Variants in NOMO2 observed in about 807,000 individuals in gnomAD.
The protein encoded by NOMO2 is BOS complex subunit NOMO2.
Under a neutral mutation model 67.1 loss-of-function variants are expected in NOMO2, and 14 were observed. The ratio of observed to expected loss-of-function variants is 0.21; its 90% CI spans 0.14 to 0.33. The LOEUF is 0.33. Among genes scored for constraint, NOMO2 ranks in the 10% least tolerant of loss-of-function variants. The pLI is 1.00. For synonymous variants in NOMO2, 80 were observed against 305.9 expected, an observed-to-expected ratio of 0.26 and a Z score of 7.71; for missense variants, 178 against 761.0, an observed-to-expected ratio of 0.23 and a Z score of 9.01.
intron 9 of NOMO2, 40 bp from the exon 10 acceptor site, chr16:18,539,004 T>C: frequency 6.3e-7 from 1 of 1,598,274 alleles, no homozygotes; most frequent in Non-Finnish European, 8.6e-7. Context: ...TCGAAGGTGC[T>C]CCTGTGCCAG....
intron 1 of NOMO2, 30 bp from the exon 2 acceptor site, chr16:18,557,821 A>C: frequency 6.4e-7 from 1 of 1,551,874 alleles, no homozygotes; most frequent in South Asian, 1.2e-5. Flanking sequence ...AACAGAAATC[A>C]TAACATTGCC....
chr16:18,529,342 T>C, intron 15 of NOMO2, 159 bp downstream of exon 15: 1 of 1,402,120 alleles, frequency 7.1e-7, no homozygotes, highest in Non-Finnish European at 9.9e-7. Context: ...AGAGTATAAA[T>C]GCTTCCTGAT....
intron 6 of NOMO2, among the ~76,000 whole-genome samples, chr16:18,545,555 G>A (rs981573989): frequency 5.6e-5 from 8 of 143,412 alleles, no homozygotes; most frequent in Non-Finnish European, 9.2e-5. Context: ...TAGAGTAGAA[G>A]CTGAAATACT....
At chr16:18,548,233 C>G (rs1596857691) in intron 5 of NOMO2, among the ~76,000 whole-genome samples, 1 of 148,878 alleles carries the variant, frequency 6.7e-6, no homozygotes, top group African/African-American at 2.4e-5. Context: ...TCAGAAGGCT[C>G]AAGACACTAT....
chr16:18,533,794 T>C (rs1901359902), intron 11 of NOMO2: 1 of 152,616 alleles, frequency 6.6e-6, no homozygotes, highest in South Asian at 2.1e-4. Context: ...AAAAGCCCTA[T>C]TAAGGTAATG....
chr16:18,561,295 G>T (rs1456941687), intron 1 of NOMO2, among the ~76,000 whole-genome samples: 3 of 151,176 alleles, frequency 2.0e-5, no homozygotes, highest in South Asian at 4.2e-4. Flanking sequence ...AAGTGGAGGG[G>T]AGCCGGAGAA....
At chr16:18,555,517 G>A (rs1410960965) in intron 2 of NOMO2, among the ~76,000 whole-genome samples, 3 of 150,560 alleles carry the variant, frequency 2.0e-5, no homozygotes, top group South Asian at 2.1e-4. Context: ...CATGGGCAGC[G>A]GAGGGAGATC....
chr16:18,555,232 C>T (rs1901876066), intron 2 of NOMO2, among the ~76,000 whole-genome samples: 1 of 151,754 alleles, frequency 6.6e-6, no homozygotes, highest in South Asian at 2.1e-4. Flanking sequence ...TAAAGTCACC[C>T]CCTAAAACTA....
chr16:18,533,662 T>C (rs1480358833), intron 11 of NOMO2: 2 of 161,052 alleles, frequency 1.2e-5, no homozygotes, highest in African/African-American at 4.8e-5. Context: ...CTTGTGATTA[T>C]ATATAATACA....
intron 3 of NOMO2, among the ~76,000 whole-genome samples, chr16:18,553,109 T>C (rs1901826875): frequency 6.6e-6 from 1 of 151,714 alleles, no homozygotes; most frequent in South Asian, 2.1e-4. Flanking sequence ...ACCCCATCTC[T>C]ACTAAAAATA....
At chr16:18,539,362 C>T (rs1171356187) in intron 9 of NOMO2, among the ~76,000 whole-genome samples, 1 of 151,960 alleles carries the variant, frequency 6.6e-6, no homozygotes, top group Non-Finnish European at 1.5e-5. Context: ...GGATGCCCCG[C>T]CCCGCTCCTC....
chr16:18,532,923 C>T, intron 12 of NOMO2, 82 bp downstream of exon 12: 1 of 1,469,598 alleles, frequency 6.8e-7, no homozygotes, highest in Non-Finnish European at 9.1e-7. Flanking sequence ...TGCTCCTTCT[C>T]TAACCCCATT....
At position 18,529,633 on chromosome 16, in the gene NOMO2, GC is replaced by G; in HGVS notation, c.1673del (p.Ser558ThrfsTer35). ...TCCAGCACCAATCCTCATGCATGAT[GC>G]TTACTGCAAAAGCAAACACCAAAAA... ...DNVLPGKYKI[S>X]IMHEDWCWKN... On this transcript the variant is annotated frameshift_variant, in exon 15 of 31. Coordinates refer to ENST00000622306, the MANE Select transcript of NOMO2 (RefSeq NM_173614.4). LOFTEE classifies it high-confidence loss of function. 1 of 1,586,236 alleles carries G rather than the reference GC, an allele frequency of 6.3e-7. No individual in the cohort carries two copies. The highest frequency in any genetic ancestry group is 1.4e-5 in the African/African-American group (1 of 73,736).
intron 11 of NOMO2, chr16:18,533,770 G>A (rs1278945151): frequency 2.0e-5 from 3 of 153,228 alleles, no homozygotes; most frequent in African/African-American, 4.8e-5. Flanking sequence ...AGCCACAAAT[G>A]TAACTTATAA....
Position 18,541,937 on chromosome 16 carries a change from G to C in NOMO2, c.963+235C>G, listed in dbSNP as rs1287928438. On this transcript the variant is annotated intron_variant, in intron 9 of 30. Transcript: ENST00000622306. ...TATCCCCAGTCCTGGAATGGTGCCT[G>C]AAATGCATGTCACTGGCAATCAATA... is the stretch of plus-strand genomic sequence containing the variant. Among the ~76,000 whole-genome samples, 113 of 93,756 alleles carry C rather than the reference G, an allele frequency of 1.2e-3. 1 individual carries two copies. The highest frequency in any genetic ancestry group is 2.9e-3 in the Admixed American group (24 of 8,216). The allele number at this position is 93,756 out of a possible 152,430, so 61.5% of individuals were successfully genotyped here.
chr16:18,545,119 G>A (rs1901636917), intron 6 of NOMO2, among the ~76,000 whole-genome samples: 1 of 136,638 alleles, frequency 7.3e-6, no homozygotes, highest in African/African-American at 2.7e-5. Context: ...TTTTTGAGAT[G>A]GAGTCTCACT....
chr16:18,529,832 G>C (rs1278493913), intron 14 of NOMO2, among the ~76,000 whole-genome samples, 195 bp from the exon 15 acceptor site: 1 of 151,056 alleles, frequency 6.6e-6, no homozygotes, highest in Non-Finnish European at 1.5e-5. Flanking sequence ...AGAAAACCTG[G>C]AGTCGAGCGT....
Position 18,538,576 on chromosome 16 carries a change from G to C in NOMO2, c.1170C>G (p.Thr390=). Residue 390 remains threonine, a synonymous_variant, in exon 11 of 31, where the codon ACC becomes ACG. Transcript: ENST00000622306. Reference sequence around the variant, plus strand: ...GAGGTGTGTTCGGTGCAATTTTGATGGTGACCGTTTCAAAGTAGAGGTGCT... The same window carrying C: ...GAGGTGTGTTCGGTGCAATTTTGATCGTGACCGTTTCAAAGTAGAGGTGCT... The part of the protein sequence containing the change: ...QKEHLYFETV[T]IKIAPNTPQL... The C allele has an allele frequency of 6.2e-7, 1 of 1,613,332 alleles. No homozygotes were observed. The highest frequency in any genetic ancestry group is 8.5e-7 in the Non-Finnish European group (1 of 1,179,668).
chr16:18,556,766 G>T (rs1247732497), intron 2 of NOMO2, among the ~76,000 whole-genome samples: 1 of 152,032 alleles, frequency 6.6e-6, no homozygotes, highest in Non-Finnish European at 1.5e-5. Context: ...GTATACATAT[G>T]CATGTGTACC....
Sources: allele counts gnomAD v4.1 joint callset (sites outside exome capture counted in the v4.1 genomes callset), GRCh38; gene constraint gnomAD v4.1.1; transcripts MANE v1.5; gene names NCBI Gene and HGNC (gene_info 2026-07-23, HGNC 2026-07-21).